GALNT3: variants seen among roughly 807,000 people sequenced by gnomAD.
GALNT3 encodes GalNAc transferase 3.
Under a neutral mutation model 69.8 loss-of-function variants are expected in GALNT3, and 51 were observed. That is an observed-to-expected ratio of 0.73 (90% CI 0.58 to 0.92). GALNT3 has a LOEUF of 0.92. GALNT3 is among the 40% of genes least tolerant of loss of function. GALNT3 has a pLI of 0.00. For missense variants in GALNT3, 711 were observed against 760.0 expected (o/e 0.94, Z 0.76); for synonymous variants, 265 against 248.5 (o/e 1.07, Z -0.63).
intron 2 of GALNT3, among the ~76,000 whole-genome samples, chr2:165,768,929 G>A (rs1197745034): frequency 6.6e-6 from 1 of 151,054 alleles, no homozygotes; most frequent in Non-Finnish European, 1.5e-5. Context: ...CCAGTAGCTG[G>A]GACTACAGGC....
At chr2:165,770,128 CT>C in intron 2 of GALNT3, 57 bp downstream of exon 2, 5 of 1,601,198 alleles carry the variant, frequency 3.1e-6, no homozygotes, top group Non-Finnish European at 3.4e-6. Context: ...TAGCTCACCC[CT>C]CTCTCCCCTG....
chr2:165,752,717 A>G (rs566073018), intron 9 of GALNT3, among the ~76,000 whole-genome samples: 2 of 152,320 alleles, frequency 1.3e-5, no homozygotes, highest in South Asian at 4.1e-4. Context: ...CCTAAGAGAA[A>G]TTTATAGGGA....
At chr2:165,784,442 A>T (rs1048491002) in intron 1 of GALNT3, among the ~76,000 whole-genome samples, 1 of 152,206 alleles carries the variant, frequency 6.6e-6, no homozygotes, top group African/African-American at 2.4e-5. Flanking sequence ...ATGGAAGCTT[A>T]GAAACAGATT....
intron 4 of GALNT3, among the ~76,000 whole-genome samples, chr2:165,759,879 C>A (rs1201987913): frequency 2.0e-5 from 3 of 152,106 alleles, no homozygotes; most frequent in Admixed American, 6.5e-5. Flanking sequence ...CTAAGATCTA[C>A]TCTTAGCAAT....
intron 9 of GALNT3, 29 bp downstream of exon 9, chr2:165,754,598 A>G: frequency 6.7e-7 from 1 of 1,489,220 alleles, no homozygotes; most frequent in Non-Finnish European, 9.4e-7. Flanking sequence ...AATGCTTTAC[A>G]AGTGAAGGAT....
Position 165,771,942 on chromosome 2 carries a change from T to C in GALNT3, c.-108-1134A>G, listed in dbSNP as rs775777178. On this transcript the variant is annotated intron_variant, in intron 1 of 10. Transcript: ENST00000392701. ...ACTTAGTTCTATATACTATTTCTAA[T>C]TGGAGTGCTCTATATTCTTTTCAGT... Among the ~76,000 whole-genome samples, 48 of 152,178 alleles carry C rather than the reference T, an allele frequency of 3.2e-4. 1 individual carries two copies. Among genetic ancestry groups the C allele is most frequent in the Non-Finnish European group, 6.5e-4 (44 of 68,032 alleles).
At chr2:165,772,739 T>C (rs1205859712) in intron 1 of GALNT3, among the ~76,000 whole-genome samples, 1 of 152,068 alleles carries the variant, frequency 6.6e-6, no homozygotes, top group Non-Finnish European at 1.5e-5. Flanking sequence ...GAATGTCAGA[T>C]GCAAAACCAT....
At chr2:165,770,113 T>C in intron 2 of GALNT3, 73 bp downstream of exon 2, 1 of 1,563,052 alleles carries the variant, frequency 6.4e-7, no homozygotes, top group South Asian at 1.1e-5. Flanking sequence ...AACAGATAAC[T>C]TCCTTAGCTC....
At chr2:165,789,639 T>A (rs1248740454) in intron 1 of GALNT3, among the ~76,000 whole-genome samples, 1 of 151,816 alleles carries the variant, frequency 6.6e-6, no homozygotes, top group Non-Finnish European at 1.5e-5. Flanking sequence ...AAGGCTGACA[T>A]GGAAGGATCA....
intron 9 of GALNT3, among the ~76,000 whole-genome samples, chr2:165,751,946 T>A (rs148081969): frequency 1.4e-3 from 217 of 152,268 alleles, no homozygotes; most frequent in South Asian, 4.1e-3. Context: ...CAAAATAAAA[T>A]CAATAGCTGT....
At chr2:165,762,423 C>CA (rs1688568529) in intron 3 of GALNT3, among the ~76,000 whole-genome samples, 1 of 151,972 alleles carries the variant, frequency 6.6e-6, no homozygotes, top group Admixed American at 6.6e-5. Flanking sequence ...GGAATTTGGC[C>CA]AAAAAGATAT....
intron 3 of GALNT3, among the ~76,000 whole-genome samples, chr2:165,762,985 G>C (rs1273524492): frequency 1.4e-5 from 2 of 139,956 alleles, no homozygotes; most frequent in African/African-American, 5.3e-5. Flanking sequence ...TTTTTTTTTA[G>C]AGACGGGGTT....
Position 165,748,680 on chromosome 2 carries a change from A to G in GALNT3, c.*101T>C, listed in dbSNP as rs1224578140. On this transcript the variant is annotated 3_prime_UTR_variant, in exon 11 of 11. Coordinates refer to ENST00000392701, the MANE Select transcript of GALNT3 (RefSeq NM_004482.4). ...GAAAAATGCACTTGGAATAAGTTAC[A>G]TTTAGCTGCTTTTGCATAATTTTCA... The G allele has an allele frequency of 8.2e-6, 9 of 1,099,142 alleles. No homozygotes were observed. Among genetic ancestry groups the G allele is most frequent in the Non-Finnish European group, 1.2e-5 (9 of 751,422 alleles). The allele number at this position is 1,099,142 out of a possible 1,614,324, so 68.1% of individuals were successfully genotyped here. A position where few individuals can be genotyped will look rare whatever the true frequency, so the allele number is the denominator to read the frequency against.
Position 165,761,986 on chromosome 2 carries a change from C to T in GALNT3, c.757G>A (p.Glu253Lys), listed in dbSNP as rs1688558645. The T allele has an allele frequency of 6.2e-7, 1 of 1,611,408 alleles. No individual in the cohort carries two copies. Among genetic ancestry groups the T allele is most frequent in the Admixed American group, 1.7e-5 (1 of 59,986 alleles). ...CGAGCAGTGATCAGACCTTTTCTTT[C>T]TCTTTGTCTGACTATTTTTACTATA... ...FSIVKIVRQR[E>K]RKGLITARLL... The change falls in exon 4 of 11, where the codon GAA becomes AAA. Residue 253 changes from glutamate (E) to lysine (K), a missense_variant. Transcript: ENST00000392701.
At chr2:165,789,639 T>C (rs1248740454) in intron 1 of GALNT3, among the ~76,000 whole-genome samples, 2 of 151,934 alleles carry the variant, frequency 1.3e-5, no homozygotes, top group East Asian at 1.9e-4. Context: ...AAGGCTGACA[T>C]GGAAGGATCA....
At chr2:165,765,118 T>C in intron 2 of GALNT3, 62 bp from the exon 3 acceptor site, 1 of 1,315,052 alleles carries the variant, frequency 7.6e-7, no homozygotes, top group Non-Finnish European at 1.1e-6. Context: ...TTCACAGCTA[T>C]ACCATTGCTA....
intron 4 of GALNT3, among the ~76,000 whole-genome samples, chr2:165,759,930 C>T (rs552834173): frequency 2.6e-5 from 4 of 151,844 alleles, no homozygotes; most frequent in Non-Finnish European, 4.4e-5. Context: ...ACAGTCACCA[C>T]GTTGTACAAT....
At position 165,789,334 on chromosome 2, in the gene GALNT3, A is replaced by G. The variant is rs6730617; in HGVS notation, c.-109+4681T>C. 7.8e-3 allele frequency among the ~76,000 whole-genome samples: 1,188 copies of G among 152,304 alleles called. 38 individuals carry two copies. The highest frequency in any genetic ancestry group is 0.061 in the Admixed American group (938 of 15,304). ...TTTCTCAGTCCTCTTTTATAAGGACATTATCTTTTACAAAAACACACGAGG... is the reference window on the plus strand; with the variant it reads ...TTTCTCAGTCCTCTTTTATAAGGACGTTATCTTTTACAAAAACACACGAGG... On this transcript the variant is annotated intron_variant, in intron 1 of 10. Coordinates refer to ENST00000392701, the MANE Select transcript of GALNT3 (RefSeq NM_004482.4).
intron 3 of GALNT3, among the ~76,000 whole-genome samples, chr2:165,764,159 T>C (rs1450986944): frequency 1.3e-5 from 2 of 152,196 alleles, no homozygotes; most frequent in African/African-American, 4.8e-5. Flanking sequence ...TGTAATTTAG[T>C]ATTTGACTTC....
Sources: gnomAD v4.1 joint callset for allele counts (sites outside exome capture counted in the v4.1 genomes callset) on GRCh38, gnomAD v4.1.1 for gene constraint, MANE v1.5 for transcripts, NCBI Gene and HGNC (gene_info 2026-07-23, HGNC 2026-07-21) for gene names.